RTCB: variants seen among roughly 807,000 people sequenced by gnomAD.
RTCB encodes the protein RNA 2',3'-cyclic phosphate and 5'-OH ligase, also known as RNA-splicing ligase RTCB.
A neutral mutation model predicts 58.2 loss-of-function variants in RTCB; 32 were observed. That is an observed-to-expected ratio of 0.55 (90% confidence interval 0.41 to 0.74). The LOEUF is 0.74. RTCB is among the 30% of genes least tolerant of loss of function. The pLI, the probability that RTCB is intolerant of heterozygous loss-of-function variation, is 0.00. For missense variants in RTCB, 523 were observed against 639.0 expected (o/e 0.82, Z 1.96); for synonymous variants, 247 against 218.6 (o/e 1.13, Z -1.15).
intron 8 of RTCB, 131 bp downstream of exon 8, chr22:32,395,943 C>T (rs1601425872): frequency 6.0e-6 from 1 of 167,120 alleles, no homozygotes; most frequent in Non-Finnish European, 9.0e-6. Flanking sequence ...TTGTGATCCG[C>T]CCCCCCTCGG....
intron 1 of RTCB, 87 bp downstream of exon 1, chr22:32,411,977 G>T: frequency 1.0e-6 from 1 of 968,108 alleles, no homozygotes; most frequent in Non-Finnish European, 1.6e-6. Flanking sequence ...GGACCCAGTG[G>T]TCAGGGGAGG....
chr22:32,389,170 C>T (rs1413493855), intron 11 of RTCB, among the ~76,000 whole-genome samples: 1 of 152,180 alleles, frequency 6.6e-6, no homozygotes, highest in African/African-American at 2.4e-5. Flanking sequence ...GAATCACTCC[C>T]CAGTACTACT....
At chr22:32,409,818 C>CTTT (rs869116020) in intron 1 of RTCB, among the ~76,000 whole-genome samples, 8 of 85,818 alleles carry the variant, frequency 9.3e-5, no homozygotes, top group African/African-American at 3.2e-4. Flanking sequence ...CTCTTATATA[C>CTTT]TTTTGTTTTT....
intron 9 of RTCB, among the ~76,000 whole-genome samples, chr22:32,394,799 G>A (rs1933216211): frequency 6.6e-6 from 1 of 152,116 alleles, no homozygotes; most frequent in East Asian, 1.9e-4. Context: ...CGGTAGTGGA[G>A]TAAAATACAC....
At chr22:32,412,011 G>T in intron 1 of RTCB, 53 bp downstream of exon 1, 1 of 1,454,552 alleles carries the variant, frequency 6.9e-7, no homozygotes, top group Non-Finnish European at 9.4e-7. Context: ...GTGGACGCCG[G>T]CCGGGCCGGG....
intron 5 of RTCB, 129 bp from the exon 6 acceptor site, chr22:32,399,888 G>T: frequency 1.2e-6 from 1 of 817,084 alleles, no homozygotes; most frequent in Non-Finnish European, 1.8e-6. Flanking sequence ...CCTTGAGTCA[G>T]ATACAAAGTT....
At chr22:32,399,903 C>G in intron 5 of RTCB, 144 bp from the exon 6 acceptor site, 1 of 644,760 alleles carries the variant, frequency 1.6e-6, no homozygotes, top group African/African-American at 1.8e-5. Flanking sequence ...AAAGTTTAAG[C>G]TCTCAGTAAC....
At chr22:32,393,771 A>G (rs1227537081) in intron 10 of RTCB, 121 bp downstream of exon 10, 4 of 712,418 alleles carry the variant, frequency 5.6e-6, no homozygotes, top group African/African-American at 5.2e-5. Context: ...TTGAAGTACA[A>G]GACATGATAG....
In RTCB at chr22:32,387,792, T is replaced by C; in HGVS notation, c.*200A>G. The C allele has an allele frequency of 3.8e-6, 2 of 519,736 alleles. No individual in the cohort carries two copies. Among genetic ancestry groups the C allele is most frequent in the Non-Finnish European group, 6.9e-6 (2 of 288,496 alleles). The allele number at this position is 519,736 out of a possible 1,614,324, so 32.2% of individuals were successfully genotyped here. ...TTCCTCCCTTTCCAAAGGTGGGCAA[T>C]GTGCCTCTTCCTGGAAGGTTATTTT... On this transcript the variant is annotated 3_prime_UTR_variant, in exon 12 of 12. Transcript: ENST00000216038.
At chr22:32,389,369 T>C (rs1475619584) in intron 11 of RTCB, among the ~76,000 whole-genome samples, 1 of 152,334 alleles carries the variant, frequency 6.6e-6, no homozygotes, top group Admixed American at 6.5e-5. Flanking sequence ...TCCCCACATA[T>C]CTGTATCTAT....
intron 6 of RTCB, among the ~76,000 whole-genome samples, chr22:32,398,696 G>T (rs1253747746): frequency 6.6e-6 from 1 of 152,162 alleles, no homozygotes. Flanking sequence ...ATCACAAAGA[G>T]TCAAATTTTG....
Position 32,394,010 on chromosome 22 carries a change from T to C in RTCB, c.1180-8A>G. 1.3e-6 allele frequency: 2 copies of C among 1,572,822 alleles called. No homozygotes were observed. The highest frequency in any genetic ancestry group is 1.8e-6 in the Non-Finnish European group (2 of 1,142,448). ...CACTGGCTGTCCAGTGAGCTGAGGA[T>C]GCACATAAATCAAACATGTTAAAAT... On this transcript the variant is annotated splice_region_variant and splice_polypyrimidine_tract_variant and intron_variant, in intron 9 of 11. Transcript: ENST00000216038.
rs768264553 is a variant in RTCB, at chr22:32,396,079, G to A, written c.985C>T (p.Arg329Cys). Residue 329 changes from arginine to cysteine, a missense_variant, in exon 8 of 12, where the codon CGT becomes TGT. Around this residue, in one of 3 missense-constraint regions of RTCB, gnomAD observed 248 missense variants for 292.5 expected, o/e 0.85. Coordinates refer to ENST00000216038, the MANE Select transcript of RTCB (RefSeq NM_014306.5). ...VNRSSMTFLT[R>C]QAFAKVFNTT... Reference sequence around the variant, plus strand: ...AAGAGCAACTTCTACTGTACCTGACGGGTTAAGAAGGTCATGGAAGAGCGG... The same window carrying A: ...AAGAGCAACTTCTACTGTACCTGACAGGTTAAGAAGGTCATGGAAGAGCGG... 8 of 1,613,800 alleles carry A rather than the reference G, an allele frequency of 5.0e-6. No homozygotes were observed. The highest frequency in any genetic ancestry group is 2.2e-5 in the East Asian group (1 of 44,886).
intron 11 of RTCB, among the ~76,000 whole-genome samples, chr22:32,391,775 A>G (rs1482346647): frequency 1.3e-5 from 2 of 152,214 alleles, no homozygotes; most frequent in African/African-American, 4.8e-5. Context: ...TTTCTCTTAA[A>G]TCATTAAGGA....
chr22:32,406,497 ATT>A (rs1933423434), intron 4 of RTCB, among the ~76,000 whole-genome samples, 163 bp downstream of exon 4: 1 of 151,882 alleles, frequency 6.6e-6, no homozygotes, highest in African/African-American at 2.4e-5. Flanking sequence ...TAATTTTTCT[ATT>A]TTTAATAGAG....
At chr22:32,398,198 T>C (rs1375780433) in intron 6 of RTCB, 98 bp from the exon 7 acceptor site, 5 of 1,345,304 alleles carry the variant, frequency 3.7e-6, no homozygotes, top group Non-Finnish European at 5.1e-6. Flanking sequence ...AACAACAAAA[T>C]AAACATACAA....
Position 32,408,741 on chromosome 22 carries a change from T to G in RTCB, c.172+14A>C. ...ACTACCGTACTAACACAAGTGAAAC[T>G]CTAATGTACTTACCACCACCTCGAC... On this transcript the variant is annotated intron_variant, in intron 2 of 11. Coordinates refer to ENST00000216038, the MANE Select transcript of RTCB (RefSeq NM_014306.5). The G allele has an allele frequency of 6.3e-7, 1 of 1,598,334 alleles. No homozygotes were observed. The highest frequency in any genetic ancestry group is 1.1e-5 in the South Asian group (1 of 90,772).
chr22:32,404,274 C>T, intron 4 of RTCB, among the ~76,000 whole-genome samples: 1 of 152,196 alleles, frequency 6.6e-6, no homozygotes, highest in Non-Finnish European at 1.5e-5. Flanking sequence ...TACACTCCCT[C>T]CAATAGCATA....
chr22:32,409,525 A>G, intron 1 of RTCB, among the ~76,000 whole-genome samples: 1 of 142,434 alleles, frequency 7.0e-6, no homozygotes, highest in South Asian at 2.1e-4. Flanking sequence ...TCACAGGTCA[A>G]ATATTGTGAA....
Sources: allele counts gnomAD v4.1 joint callset (sites outside exome capture counted in the v4.1 genomes callset), GRCh38; gene constraint gnomAD v4.1.1; regional missense constraint gnomAD v4.1.1; transcripts MANE v1.5; gene names NCBI Gene and HGNC (gene_info 2026-07-23, HGNC 2026-07-21).